The following MEGF10 variants were observed in gnomAD, a reference collection of about 807,000 sequenced individuals.
The protein encoded by MEGF10 is multiple EGF like domains 10, also known as multiple epidermal growth factor-like domains protein 10.
In MEGF10, 86 loss-of-function variants were observed where a neutral mutation model predicts 147.5. That is an observed-to-expected ratio of 0.58 (90% confidence interval 0.49 to 0.70). The LOEUF (loss-of-function observed/expected upper bound fraction) is 0.70, where lower values mean the gene tolerates loss of function less well. MEGF10 is among the 30% of genes least tolerant of loss of function. MEGF10 has a pLI of 0.00. For missense variants in MEGF10, 1,329 were observed against 1,487.3 expected (o/e 0.89, Z 1.75); for synonymous variants, 478 against 525.5 (o/e 0.91, Z 1.24).
intron 13 of MEGF10, among the ~76,000 whole-genome samples, chr5:127,423,332 T>G (rs1765094038): frequency 6.6e-6 from 1 of 152,206 alleles, no homozygotes. Flanking sequence ...TTCTCCTTAT[T>G]TATATAGCTT....
At chr5:127,350,701 A>G (rs1184321202) in intron 4 of MEGF10, among the ~76,000 whole-genome samples, 1 of 152,082 alleles carries the variant, frequency 6.6e-6, no homozygotes, top group Non-Finnish European at 1.5e-5. Flanking sequence ...ACTGTGCTAC[A>G]CTGTTTATCA....
intron 5 of MEGF10, among the ~76,000 whole-genome samples, chr5:127,389,109 G>A (rs1264056943): frequency 6.6e-6 from 1 of 152,182 alleles, no homozygotes; most frequent in African/African-American, 2.4e-5. Flanking sequence ...CCTTTTGTAT[G>A]CAGAAAGCCT....
chr5:127,230,513 T>C, the MEGF10 span, among the ~76,000 whole-genome samples: 757 of 152,102 alleles, frequency 5.0e-3, 6 homozygotes, highest in African/African-American at 0.018. Context: ...AGTTCATCCT[T>C]GGAGAAAAGT....
In MEGF10 at chr5:127,296,765, T is replaced by C. The variant is rs909076235; in HGVS notation, c.-19+5709T>C. On this transcript the variant is annotated intron_variant, in intron 1 of 24. Transcript: ENST00000503335. ...TTAACTTGTTCCTCACAGAGTGAAA[T>C]AGAACTATGAAATTTTTGCTTGGTG... Among the ~76,000 whole-genome samples, 4 of 152,264 alleles carry C rather than the reference T, an allele frequency of 2.6e-5. No homozygotes were observed. In the East Asian group the frequency reaches 5.8e-4, roughly 22 times the overall value.
rs1766446783 is a variant in MEGF10 at position 127,458,505 on chromosome 5, ATAT to A, written c.*1191_*1193del. The A allele has an allele frequency of 6.6e-6, 1 of 152,204 alleles. No homozygotes were observed. Among genetic ancestry groups the A allele is most frequent in the Non-Finnish European group, 1.5e-5 (1 of 68,036 alleles). 9.4% of individuals were successfully genotyped at this position (152,204 alleles called of 1,614,324 possible). The stretch of plus-strand genomic sequence containing the variant: ...TAGTGTTTGGATTGTTAATGAAAAA[ATAT>A]TATATGTTCGTTATTCCTTGTATTA... On this transcript the variant is annotated 3_prime_UTR_variant, in exon 25 of 25. Coordinates refer to ENST00000503335, the MANE Select transcript of MEGF10 (RefSeq NM_001256545.2).
At position 127,339,676 on chromosome 5, in the gene MEGF10, A is replaced by G. The variant is rs534741447; in HGVS notation, c.218+455A>G. On this transcript the variant is annotated intron_variant, in intron 3 of 24. Transcript: ENST00000503335. ...CAGAAACAAAACTAAAATATAATTA[A>G]ATATTAATGTTAATATAGAAGGGAA... Among the ~76,000 whole-genome samples, 19 of 152,286 alleles carry G rather than the reference A, an allele frequency of 1.2e-4. No individual in the cohort carries two copies. The South Asian group carries it at 3.7e-3, about 30-fold the overall frequency.
At chr5:127,453,360 A>C (rs1034599457) in intron 22 of MEGF10, among the ~76,000 whole-genome samples, 3 of 152,170 alleles carry the variant, frequency 2.0e-5, no homozygotes, top group Admixed American at 2.0e-4. Flanking sequence ...CCCGGCCTGT[A>C]ATATTCTTTT....
rs767863636 is a variant in MEGF10 at position 127,455,510 on chromosome 5, G to A, written c.3135G>A (p.Glu1045=). 3.1e-6 allele frequency: 5 copies of A among 1,614,110 alleles called. No individual in the cohort carries two copies. The Admixed American group carries it at 5.0e-5, about 16-fold the overall frequency. Residue 1045 remains glutamate (E), a synonymous_variant, in exon 24 of 25, where the codon GAG becomes GAA. Transcript: ENST00000503335. ...CTGTACTTATCCCGAAAAGCTCAGA[G>A]TGTGGTTATGTGGAGATGAAATCGC... ...DPPVLIPKSS[E]CGYVEMKSPA...
intron 4 of MEGF10, among the ~76,000 whole-genome samples, chr5:127,364,082 C>T (rs759458834): frequency 2.6e-5 from 4 of 152,214 alleles, no homozygotes; most frequent in Non-Finnish European, 4.4e-5. Context: ...GAATTAACTG[C>T]TTCCACAGTC....
the MEGF10 span, among the ~76,000 whole-genome samples, chr5:127,251,919 T>G: frequency 6.6e-6 from 1 of 152,020 alleles, no homozygotes; most frequent in East Asian, 1.9e-4. Context: ...TAAGCATCAA[T>G]AGGAAAATAA....
At chr5:127,300,891 C>G (rs544636979) in intron 1 of MEGF10, among the ~76,000 whole-genome samples, 1 of 152,312 alleles carries the variant, frequency 6.6e-6, no homozygotes, top group Non-Finnish European at 1.5e-5. Context: ...CAGAGCCCCA[C>G]TCTTTAGAAT....
At chr5:127,336,172 T>C (rs953405225) in intron 2 of MEGF10, among the ~76,000 whole-genome samples, 4 of 151,668 alleles carry the variant, frequency 2.6e-5, no homozygotes, top group African/African-American at 9.7e-5. Flanking sequence ...TAGTTCAAAA[T>C]AATTTATATG....
chr5:127,340,510 T>A lies in MEGF10; in HGVS notation c.219-20T>A. ...TCAGACTTTTATTATGTTTAATAGCTAATTTTTCCTTCTCTATAGAGTCAG... is the reference window on the plus strand; with the variant it reads ...TCAGACTTTTATTATGTTTAATAGCAAATTTTTCCTTCTCTATAGAGTCAG... On this transcript the variant is annotated intron_variant, in intron 3 of 24. Coordinates refer to ENST00000503335, the MANE Select transcript of MEGF10 (RefSeq NM_001256545.2). 6.3e-7 allele frequency: 1 copy of A among 1,594,066 alleles called. No individual in the cohort carries two copies. The highest frequency in any genetic ancestry group is 8.6e-7 in the Non-Finnish European group (1 of 1,163,672).
rs1370159067 is a variant in MEGF10, at chr5:127,458,188, G to C, written c.*870G>C. 3 of 152,222 alleles carry C rather than the reference G, an allele frequency of 2.0e-5. No homozygotes were observed. The East Asian group carries it at 5.8e-4, about 29-fold the overall frequency. 9.4% of individuals were successfully genotyped at this position (152,222 alleles called of 1,614,324 possible). A position where few individuals can be genotyped will look rare whatever the true frequency, so the allele number is the denominator to read the frequency against. On this transcript the variant is annotated 3_prime_UTR_variant, in exon 25 of 25. Coordinates refer to ENST00000503335, the MANE Select transcript of MEGF10 (RefSeq NM_001256545.2). ...ATTTTTGACAGACTGGATGGAATGA[G>C]TGTGTAATGATTGATAAAGGTTGTA...
intron 9 of MEGF10, among the ~76,000 whole-genome samples, chr5:127,412,928 G>A (rs777853890): frequency 2.0e-4 from 31 of 152,278 alleles, no homozygotes; most frequent in Non-Finnish European, 3.2e-4. Flanking sequence ...CCAGTATCTA[G>A]CAGGCTAGCC....
intron 1 of MEGF10, among the ~76,000 whole-genome samples, chr5:127,312,566 C>A (rs962489414): frequency 6.6e-6 from 1 of 152,180 alleles, no homozygotes; most frequent in African/African-American, 2.4e-5. Context: ...TCTGTAAGGA[C>A]TTTCTTCTGA....
At chr5:127,454,722 T>G (rs1012048623) in intron 23 of MEGF10, 112 bp downstream of exon 23, 6 of 948,406 alleles carry the variant, frequency 6.3e-6, no homozygotes, top group African/African-American at 3.3e-5. Context: ...TGTAGAATTT[T>G]TAGTGTGGTC....
chr5:127,302,976 G>A (rs546052355), intron 1 of MEGF10, among the ~76,000 whole-genome samples: 13 of 152,152 alleles, frequency 8.5e-5, no homozygotes, highest in African/African-American at 2.6e-4. Context: ...CCCTGGGGAG[G>A]GAGAGGAGTA....
chr5:127,245,493 A>G, the MEGF10 span, among the ~76,000 whole-genome samples: 11 of 152,198 alleles, frequency 7.2e-5, no homozygotes, highest in Non-Finnish European at 1.3e-4. Flanking sequence ...AAGACCCAAA[A>G]CCATAAAAAC....
Sources: gnomAD v4.1 joint callset for allele counts (sites outside exome capture counted in the v4.1 genomes callset) on GRCh38, gnomAD v4.1.1 for gene constraint, MANE v1.5 for transcripts, NCBI Gene and HGNC (gene_info 2026-07-23, HGNC 2026-07-21) for gene names.